RHOU: variants seen among roughly 807,000 people sequenced by gnomAD.
RHOU encodes ras homolog family member U, also known as rho-related GTP-binding protein RhoU.
In RHOU, 8 loss-of-function variants were observed where a neutral mutation model predicts 12.6. The observed-to-expected ratio is 0.64, with a 90% CI of 0.37 to 1.15. The LOEUF (loss-of-function observed/expected upper bound fraction) is 1.15. RHOU is among the 50% of genes most tolerant of loss of function. RHOU has a pLI of 0.01. For missense variants in RHOU, 258 were observed against 347.0 expected, an observed-to-expected ratio of 0.74 and a Z score of 2.04; for synonymous variants, 161 against 147.4, an observed-to-expected ratio of 1.09 and a Z score of -0.67.
chr1:228,740,839 A>G (rs1662706024), intron 2 of RHOU, among the ~76,000 whole-genome samples: 1 of 152,162 alleles, frequency 6.6e-6, no homozygotes, highest in African/African-American at 2.4e-5. Context: ...TGAAGAAATC[A>G]CTTCTTGTAC....
chr1:228,707,248 TATATATA>T, the RHOU span, among the ~76,000 whole-genome samples: 2 of 92,406 alleles, frequency 2.2e-5, no homozygotes, highest in South Asian at 5.9e-4. Context: ...TATATATATA[TATATATA>T]GTGTGTGTGT....
At chr1:228,685,574 G>T in the RHOU span, among the ~76,000 whole-genome samples, 7 of 152,196 alleles carry the variant, frequency 4.6e-5, no homozygotes, top group Admixed American at 4.6e-4. Flanking sequence ...TTGAGCATTT[G>T]GAGCCAGAGA....
At chr1:228,712,412 C>A in the RHOU span, among the ~76,000 whole-genome samples, 1 of 151,844 alleles carries the variant, frequency 6.6e-6, no homozygotes, top group Non-Finnish European at 1.5e-5. Flanking sequence ...AACCAACCCA[C>A]ACGTCCAACA....
upstream of RHOU, among the ~76,000 whole-genome samples, chr1:228,731,811 G>T (rs1662502606): frequency 6.6e-6 from 1 of 152,076 alleles, no homozygotes. Context: ...GCTCACAGCT[G>T]GGCTGGAGGG....
rs1346918433 is a variant in RHOU at position 228,746,302 on chromosome 1, G to C, written c.*2562G>C. Reference sequence around the variant, plus strand: ...AAAAAATTGTTAAACTTGCAGCTTGGTATTGCAGAGAAGATTTTATAAGAA... The same window carrying C: ...AAAAAATTGTTAAACTTGCAGCTTGCTATTGCAGAGAAGATTTTATAAGAA... On this transcript the variant is annotated 3_prime_UTR_variant, in exon 3 of 3. Coordinates refer to ENST00000366691, the MANE Select transcript of RHOU (RefSeq NM_021205.6). 1 of 152,192 alleles carries C rather than the reference G, an allele frequency of 6.6e-6. No homozygotes were observed. Among genetic ancestry groups the C allele is most frequent in the African/African-American group, 2.4e-5 (1 of 41,440 alleles). 9.4% of individuals were successfully genotyped at this position (152,192 alleles called of 1,614,324 possible).
At chr1:228,646,557 C>A in the RHOU span, among the ~76,000 whole-genome samples, 2 of 125,770 alleles carry the variant, frequency 1.6e-5, no homozygotes, top group East Asian at 2.4e-4. Flanking sequence ...GCCCCCACCA[C>A]GGTCGCTTGT....
the RHOU span, among the ~76,000 whole-genome samples, chr1:228,672,221 G>A: frequency 6.6e-6 from 1 of 152,186 alleles, no homozygotes; most frequent in Non-Finnish European, 1.5e-5. Flanking sequence ...AGGCTGGAGT[G>A]CAATGGTGCA....
At chr1:228,714,449 G>T in the RHOU span, among the ~76,000 whole-genome samples, 2 of 152,082 alleles carry the variant, frequency 1.3e-5, no homozygotes, top group African/African-American at 2.4e-5. Flanking sequence ...TAGGTCTCGT[G>T]CATTTTGGAG....
Position 228,743,461 on chromosome 1 carries a change from AGAAGAT to A in RHOU, c.500_505del (p.Glu167_Asp168del). ...TAGTTGGAACGCAGTCGGATCTCAG[AGAAGAT>A]GTCAAAGTCCTCATTGAGTTGGACA... On this transcript the variant is annotated inframe_deletion, in exon 3 of 3. Transcript: ENST00000366691. The surrounding 1 kb of genome is among the most constrained non-coding windows in gnomAD (Gnocchi z 5.1). The A allele has an allele frequency of 6.2e-7, 1 of 1,614,182 alleles. No individual in the cohort carries two copies. The highest frequency in any genetic ancestry group is 8.5e-7 in the Non-Finnish European group (1 of 1,180,030).
the RHOU span, among the ~76,000 whole-genome samples, chr1:228,721,184 C>A: frequency 1.3e-5 from 2 of 152,186 alleles, no homozygotes; most frequent in African/African-American, 4.8e-5. Context: ...TGCCTGTAAT[C>A]CCAGCCACTC....
the RHOU span, among the ~76,000 whole-genome samples, chr1:228,648,700 C>T: frequency 1.3e-5 from 2 of 152,066 alleles, no homozygotes; most frequent in Non-Finnish European, 2.9e-5. Flanking sequence ...ATTTCACATG[C>T]TTTTACTTTT....
the RHOU span, among the ~76,000 whole-genome samples, chr1:228,686,023 C>T: frequency 6.6e-6 from 1 of 152,062 alleles, no homozygotes; most frequent in Admixed American, 6.6e-5. Context: ...GAAATAAAAC[C>T]ATTAAGAGGA....
chr1:228,668,727 G>A, the RHOU span, among the ~76,000 whole-genome samples: 2 of 152,192 alleles, frequency 1.3e-5, no homozygotes, highest in South Asian at 4.1e-4. Flanking sequence ...GTGTCTGGCT[G>A]CTCGCCCAGC....
Position 228,735,952 on chromosome 1 carries a change from C to A in RHOU, c.210C>A (p.Thr70=), listed in dbSNP as rs774917427. The A allele has an allele frequency of 2.4e-4, 387 of 1,582,556 alleles. 3 individuals carry two copies. The Admixed American group carries it at 6.5e-3, about 27-fold the overall frequency. Residue 70 remains threonine (T), a synonymous_variant, in exon 1 of 3, where the codon ACC becomes ACA. Transcript: ENST00000366691. This position sits in a 1 kb window ranked among gnomAD's most constrained non-coding sequence, Gnocchi z 8.1. ...AGACGAGCCTGGTGGTGAGCTACAC[C>A]ACCAACGGCTACCCCACCGAGTACA... is the stretch of plus-strand genomic sequence containing the variant. ...VGKTSLVVSY[T]TNGYPTEYIP...
the RHOU span, among the ~76,000 whole-genome samples, chr1:228,672,548 A>G: frequency 1.3e-5 from 2 of 152,214 alleles, no homozygotes; most frequent in Non-Finnish European, 2.9e-5. Flanking sequence ...TAGGTGGGTC[A>G]GCTTGATCTT....
At chr1:228,649,565 C>G in the RHOU span, among the ~76,000 whole-genome samples, 1 of 152,184 alleles carries the variant, frequency 6.6e-6, no homozygotes, top group Non-Finnish European at 1.5e-5. Flanking sequence ...TTTTGATTAT[C>G]ATCCTGGTTA....
chr1:228,679,763 A>T, the RHOU span, among the ~76,000 whole-genome samples: 1 of 151,878 alleles, frequency 6.6e-6, no homozygotes, highest in East Asian at 2.0e-4. Context: ...TTTTAATGGG[A>T]TGGTAAGGGG....
the RHOU span, among the ~76,000 whole-genome samples, chr1:228,702,646 A>G: frequency 6.6e-6 from 1 of 152,208 alleles, no homozygotes; most frequent in Non-Finnish European, 1.5e-5. Context: ...TTAAAGCTTG[A>G]AGCAGAGATA....
chr1:228,742,531 G>A (rs531053598), intron 2 of RHOU, among the ~76,000 whole-genome samples: 12 of 152,330 alleles, frequency 7.9e-5, no homozygotes, highest in Admixed American at 7.8e-4. Context: ...TACTGGCAAG[G>A]ATAAAGGAAG....
Sources: gnomAD v4.1 joint callset for allele counts (sites outside exome capture counted in the v4.1 genomes callset) on GRCh38, gnomAD v4.1.1 for gene constraint, Gnocchi (gnomAD v3.1) non-coding constraint, MANE v1.5 for transcripts, NCBI Gene and HGNC (gene_info 2026-07-23, HGNC 2026-07-21) for gene names.